The following PREX2 variants were observed in gnomAD, a reference collection of about 807,000 sequenced individuals.
The protein encoded by PREX2 is phosphatidylinositol-3,4,5-trisphosphate dependent Rac exchange factor 2.
In PREX2, 107 loss-of-function variants were observed where a neutral mutation model predicts 203.2. The ratio of observed to expected loss-of-function variants is 0.53; its 90% CI spans 0.45 to 0.62. The LOEUF is 0.62. Among genes scored for constraint, PREX2 ranks in the 20% least tolerant of loss-of-function variants. The pLI is 0.00. For synonymous variants in PREX2, 672 were observed against 663.6 expected (o/e 1.01, Z -0.19); for missense variants, 1,777 against 1,955.9 (o/e 0.91, Z 1.72).
chr8:68,094,899 G>C (rs1052409569), intron 21 of PREX2: 12 of 152,368 alleles, frequency 7.9e-5, no homozygotes, highest in Middle Eastern at 6.8e-3. Flanking sequence ...CTGTATTTCT[G>C]ACCAACTGGC....
intron 9 of PREX2, among the ~76,000 whole-genome samples, chr8:68,054,213 G>A (rs1223389565): frequency 6.6e-6 from 1 of 152,112 alleles, no homozygotes; most frequent in Non-Finnish European, 1.5e-5. Flanking sequence ...CTTGGATGAA[G>A]AACCAGATAG....
chr8:68,019,476 G>C (rs1408223016), intron 2 of PREX2, 73 bp from the exon 3 acceptor site: 1 of 1,221,048 alleles, frequency 8.2e-7, no homozygotes, highest in Non-Finnish European at 1.1e-6. Flanking sequence ...GTTGGAGAGA[G>C]AATACTATGC....
chr8:68,216,303 G>A (rs4737254), intron 37 of PREX2, among the ~76,000 whole-genome samples: 17,727 of 152,132 alleles, frequency 0.12, 2,766 homozygotes, highest in African/African-American at 0.35. Context: ...TCTCCCATAG[G>A]AACAATTGCA....
At chr8:68,175,598 T>C (rs1811962970) in intron 35 of PREX2, among the ~76,000 whole-genome samples, 1 of 152,116 alleles carries the variant, frequency 6.6e-6, no homozygotes, top group Non-Finnish European at 1.5e-5. Flanking sequence ...GTTGGAGTCT[T>C]ACTGTTACTT....
At chr8:68,123,629 C>T (rs117683872) in intron 30 of PREX2, among the ~76,000 whole-genome samples, 1 of 151,844 alleles carries the variant, frequency 6.6e-6, no homozygotes, top group Non-Finnish European at 1.5e-5. Context: ...TAACTATGGA[C>T]ACCTCTATGC....
chr8:68,022,250 C>T (rs1181561374), intron 4 of PREX2, 110 bp downstream of exon 4: 1 of 626,112 alleles, frequency 1.6e-6, no homozygotes. Flanking sequence ...CCTCTGTTAG[C>T]ATCCCCAGGC....
chr8:68,219,052 AAG>A (rs1224252279), intron 38 of PREX2, among the ~76,000 whole-genome samples: 12 of 152,184 alleles, frequency 7.9e-5, no homozygotes, highest in Non-Finnish European at 1.8e-4. Context: ...GAAATACAGA[AAG>A]AAATTAATTG....
At chr8:67,995,582 A>G (rs1032086550) in intron 1 of PREX2, among the ~76,000 whole-genome samples, 2 of 152,206 alleles carry the variant, frequency 1.3e-5, no homozygotes, top group Admixed American at 6.5e-5. Flanking sequence ...GTGAAAAACT[A>G]TTGAGTTGTT....
At chr8:67,971,392 C>T (rs1045005572) in intron 1 of PREX2, among the ~76,000 whole-genome samples, 5 of 151,850 alleles carry the variant, frequency 3.3e-5, no homozygotes, top group Admixed American at 2.0e-4. Context: ...TCTCAGGGTG[C>T]GGGGAGAGAG....
intron 31 of PREX2, among the ~76,000 whole-genome samples, chr8:68,132,660 G>A (rs532508945): frequency 7.2e-5 from 11 of 152,102 alleles, no homozygotes; most frequent in African/African-American, 2.7e-4. Flanking sequence ...AATAAAACAG[G>A]AGCTCACCAC....
At chr8:68,016,547 T>G (rs1265970389) in intron 1 of PREX2, among the ~76,000 whole-genome samples, 1 of 152,212 alleles carries the variant, frequency 6.6e-6, no homozygotes, top group Non-Finnish European at 1.5e-5. Flanking sequence ...ATCCCCTTGT[T>G]TGAATATTTT....
intron 1 of PREX2, among the ~76,000 whole-genome samples, chr8:68,004,389 C>G (rs1458310375): frequency 2.0e-5 from 3 of 152,196 alleles, no homozygotes; most frequent in Non-Finnish European, 4.4e-5. Context: ...TCATTATTCT[C>G]TCTCTGCCTT....
Position 68,051,416 on chromosome 8 carries a change from T to C in PREX2, c.944-1681T>C, listed in dbSNP as rs375744298. Among the ~76,000 whole-genome samples the C allele has an allele frequency of 2.0e-5, 3 of 152,112 alleles. No homozygotes were observed. In the East Asian group the frequency reaches 5.8e-4, roughly 29 times the overall value. ...TCACTTAGCTAATCATGGCCTGACT[T>C]GAACAGAGAGAAGACAGCCTGAAAA... is the stretch of plus-strand genomic sequence containing the variant. On this transcript the variant is annotated intron_variant, in intron 8 of 39. Transcript: ENST00000288368.
intron 37 of PREX2, among the ~76,000 whole-genome samples, chr8:68,212,324 T>C (rs1172264806): frequency 3.9e-5 from 6 of 152,252 alleles, no homozygotes; most frequent in Admixed American, 2.6e-4. Flanking sequence ...CATTCCCACC[T>C]GATATTATTC....
chr8:68,219,506 A>C (rs1262278719), intron 38 of PREX2, among the ~76,000 whole-genome samples: 2 of 152,210 alleles, frequency 1.3e-5, no homozygotes, highest in Non-Finnish European at 2.9e-5. Flanking sequence ...CTATTTTGTC[A>C]GTATATATCA....
chr8:68,224,410 C>G (rs1813015874), intron 38 of PREX2, 149 bp from the exon 39 acceptor site: 4 of 641,942 alleles, frequency 6.2e-6, no homozygotes, highest in Non-Finnish European at 8.2e-6. Context: ...TTTGAAAATG[C>G]TCAGACAGCG....
intron 35 of PREX2, among the ~76,000 whole-genome samples, chr8:68,160,001 A>G (rs1563569980): frequency 6.6e-6 from 1 of 152,200 alleles, no homozygotes; most frequent in Admixed American, 6.5e-5. Flanking sequence ...ATAAAACATA[A>G]AAAGCATCAG....
chr8:68,057,054 C>T (rs1053118444), intron 10 of PREX2, among the ~76,000 whole-genome samples: 1 of 152,228 alleles, frequency 6.6e-6, no homozygotes. Flanking sequence ...GAGTTATAAT[C>T]CAAATTGTAA....
At chr8:68,205,440 A>G (rs1191364422) in intron 37 of PREX2, among the ~76,000 whole-genome samples, 3 of 152,188 alleles carry the variant, frequency 2.0e-5, no homozygotes, top group African/African-American at 7.2e-5. Context: ...GCTTGTCACC[A>G]AAGCCTTGCT....
Sources: gnomAD v4.1 joint callset for allele counts (sites outside exome capture counted in the v4.1 genomes callset) on GRCh38, gnomAD v4.1.1 for gene constraint, MANE v1.5 for transcripts, NCBI Gene and HGNC (gene_info 2026-07-23, HGNC 2026-07-21) for gene names.